Variants in SPTBN2 observed in about 807,000 individuals in gnomAD.
The protein encoded by SPTBN2 is spectrin beta, non-erythrocytic 2.
SPTBN2 carries 107 observed loss-of-function variants against 284.2 expected under a neutral mutation model. The observed-to-expected ratio is 0.38, with a 90% CI of 0.32 to 0.44. The LOEUF (loss-of-function observed/expected upper bound fraction) is 0.44. Among genes scored for constraint, SPTBN2 ranks in the 20% least tolerant of loss-of-function variants. The pLI, the probability that SPTBN2 is intolerant of heterozygous loss-of-function variation, is 1.00. For missense variants in SPTBN2, 2,569 were observed against 3,287.1 expected (o/e 0.78, Z 5.34); for synonymous variants, 1,289 against 1,354.8 (o/e 0.95, Z 1.07).
chr11:66,700,663 G>T lies in SPTBN2; in HGVS notation c.3436C>A (p.Arg1146=). 6.2e-7 allele frequency: 1 copy of T among 1,607,226 alleles called. No homozygotes were observed. Residue 1146 remains arginine (R), a synonymous_variant, in exon 17 of 38, where the codon CGA becomes AGA. Coordinates refer to ENST00000533211, the MANE Select transcript of SPTBN2 (RefSeq NM_006946.4). The surrounding 1 kb of genome is among the most constrained non-coding windows in gnomAD (Gnocchi z 6.6). ...ADPQCLFLRQ[R]LEALGTGWEE... ...CAGCCAGTTCCCAGGGCCTCCAGTC[G>T]CTGTCGTAGGAAGAGGCACTGGGGG...
rs776962262 is a variant in SPTBN2 at position 66,705,862 on chromosome 11, A to G, written c.1654-25T>C. On this transcript the variant is annotated intron_variant, in intron 13 of 37. Transcript: ENST00000533211. The stretch of plus-strand genomic sequence containing the variant: ...CCTGCCAGGCACACATGAAGTGCAC[A>G]TGCCCGCCTGAGCACAGACGCGCTA... 8 of 1,610,868 alleles carry G rather than the reference A, an allele frequency of 5.0e-6. No individual in the cohort carries two copies. The Admixed American group carries it at 5.0e-5, about 10-fold the overall frequency.
At chr11:66,688,350 G>C in intron 31 of SPTBN2, 39 bp from the exon 32 acceptor site, 1 of 1,553,116 alleles carries the variant, frequency 6.4e-7, no homozygotes, top group Non-Finnish European at 8.7e-7. Flanking sequence ...AGAAGGTTGC[G>C]TGTAAGAGGG....
rs1941189536 is a variant in SPTBN2 at position 66,700,703 on chromosome 11, G to A, written c.3396C>T (p.Thr1132=). 6.2e-7 allele frequency: 1 copy of A among 1,605,312 alleles called. No individual in the cohort carries two copies. The highest frequency in any genetic ancestry group is 8.5e-7 in the Non-Finnish European group (1 of 1,179,846). The stretch of plus-strand genomic sequence containing the variant: ...GGCACTGGGGGTCAGCCTGGTCCCG[G>A]GTCACCTCCTCGCCCAGGGCTCGCA... The part of the protein sequence containing the change: ...SRLRALGEEV[T]RDQADPQCLF... Residue 1132 remains threonine, a synonymous_variant, in exon 17 of 38, where the codon ACC becomes ACT. Coordinates refer to ENST00000533211, the MANE Select transcript of SPTBN2 (RefSeq NM_006946.4). This position sits in a 1 kb window ranked among gnomAD's most constrained non-coding sequence, Gnocchi z 6.6.
At chr11:66,714,008 T>A (rs1942015443) in intron 7 of SPTBN2, 83 bp downstream of exon 7, 1 of 1,394,300 alleles carries the variant, frequency 7.2e-7, no homozygotes, top group Non-Finnish European at 1.0e-6. Context: ...GTGCAGCTCA[T>A]CTCATCTCTG....
At chr11:66,703,936 A>G (rs1941382805) in intron 15 of SPTBN2, among the ~76,000 whole-genome samples, 1 of 149,854 alleles carries the variant, frequency 6.7e-6, no homozygotes, top group South Asian at 2.1e-4. Context: ...TGAAAATAAT[A>G]TATTGTAGGT....
Position 66,707,114 on chromosome 11 carries a change from G to T in SPTBN2, c.1653+402C>A. 6.6e-6 allele frequency among the ~76,000 whole-genome samples: 1 copy of T among 152,346 alleles called. No individual in the cohort carries two copies. Among genetic ancestry groups the T allele is most frequent in the Non-Finnish European group, 1.5e-5 (1 of 68,036 alleles). On this transcript the variant is annotated intron_variant, in intron 13 of 37. Transcript: ENST00000533211. This position sits in a 1 kb window ranked among gnomAD's most constrained non-coding sequence, Gnocchi z 4.9. Reference sequence around the variant, plus strand: ...TGAACACACCATGCTGATCCAGGCCGAGGGCCTGTGCCGGCTGTTCCTTCT... The same window carrying T: ...TGAACACACCATGCTGATCCAGGCCTAGGGCCTGTGCCGGCTGTTCCTTCT...
chr11:66,733,119 C>A (rs1431694943), upstream of SPTBN2, among the ~76,000 whole-genome samples: 1 of 151,988 alleles, frequency 6.6e-6, no homozygotes, highest in Non-Finnish European at 1.5e-5. Flanking sequence ...CTTTTTATGT[C>A]ATTATTTAAA....
At position 66,718,276 on chromosome 11, in the gene SPTBN2, C is replaced by T. The variant is rs546398570; in HGVS notation, c.158-2295G>A. Among the ~76,000 whole-genome samples the T allele has an allele frequency of 5.3e-5, 8 of 152,224 alleles. No homozygotes were observed. Among genetic ancestry groups the T allele is most frequent in the Admixed American group, 2.0e-4 (3 of 15,280 alleles). Reference sequence around the variant, plus strand: ...ATTCCGTTGACATCTGTGTATTTTCCGGCCTCTTGTAATTATCCCCTCTAA... The same window carrying T: ...ATTCCGTTGACATCTGTGTATTTTCTGGCCTCTTGTAATTATCCCCTCTAA... On this transcript the variant is annotated intron_variant, in intron 3 of 37. Transcript: ENST00000533211. The surrounding 1 kb of genome is among the most constrained non-coding windows in gnomAD (Gnocchi z 4.8).
At chr11:66,734,700 G>A (rs1285729386) in intron 1 of SPTBN2, among the ~76,000 whole-genome samples, 2 of 152,150 alleles carry the variant, frequency 1.3e-5, no homozygotes, top group South Asian at 2.1e-4. Context: ...CAGCATGAGC[G>A]CCATGAGGGA....
Position 66,701,737 on chromosome 11 carries a change from AG to A in SPTBN2, c.2679-17del, listed in dbSNP as rs774577870. On this transcript the variant is annotated splice_polypyrimidine_tract_variant and intron_variant, in intron 15 of 37. Transcript: ENST00000533211. ...GGTCTCGAACCTGAGAGGGTGGAAG[AG>A]CCAGGCGTGAATTGTGGGAGGCAGC... 13 of 1,614,092 alleles carry A rather than the reference AG, an allele frequency of 8.1e-6. No homozygotes were observed. In the South Asian group the frequency reaches 1.4e-4, roughly 18 times the overall value.
chr11:66,705,084 C>T lies in SPTBN2; in HGVS notation c.2192G>A (p.Arg731Gln), dbSNP rs764038568. The change falls in exon 15 of 38, where the codon CGG becomes CAG. Residue 731 changes from arginine (R) to glutamine (Q), a missense_variant. By Grantham distance (43) the Arg-to-Gln change is conservative. Transcript: ENST00000533211. ...ACGCTCCTCGGCCAGGGCCTCTAGC[C>T]GCTCCCACTGGGCTTGGAGTTCAGC... Reference protein sequence around the residue: ...RAAELQAQWERLEALAEERAQ... With the variant: ...RAAELQAQWEQLEALAEERAQ... 12 of 1,576,136 alleles carry T rather than the reference C, an allele frequency of 7.6e-6. No individual in the cohort carries two copies. The highest frequency in any genetic ancestry group is 1.7e-4 in the Middle Eastern group (1 of 6,014).
Position 66,687,263 on chromosome 11 carries a change from T to G in SPTBN2, c.6723-96A>C. On this transcript the variant is annotated intron_variant, in intron 35 of 37. Transcript: ENST00000533211. The surrounding 1 kb of genome is among the most constrained non-coding windows in gnomAD (Gnocchi z 5.2). ...AGGACTTCCAGTTCTGCTCCCATCT[T>G]TAGGCCACGGTCTTCACACCCTCTG... 6.3e-7 allele frequency: 1 copy of G among 1,578,058 alleles called. No homozygotes were observed. The highest frequency in any genetic ancestry group is 8.6e-7 in the Non-Finnish European group (1 of 1,164,852).
intron 8 of SPTBN2, 96 bp from the exon 9 acceptor site, chr11:66,711,125 C>A: frequency 1.1e-6 from 1 of 943,588 alleles, no homozygotes; most frequent in South Asian, 1.3e-5. Context: ...TCCTCCAAGG[C>A]TGACATCTCT....
chr11:66,740,111 A>G (rs889873155), intron 1 of SPTBN2, among the ~76,000 whole-genome samples: 26 of 152,304 alleles, frequency 1.7e-4, no homozygotes, highest in Admixed American at 7.2e-4. Flanking sequence ...AAAATTGGAC[A>G]ATAATAGGAA....
At chr11:66,734,049 TCTTA>T (rs1942835894), upstream of SPTBN2, among the ~76,000 whole-genome samples, 1 of 151,962 alleles carries the variant, frequency 6.6e-6, no homozygotes, top group African/African-American at 2.4e-5. Flanking sequence ...CCAATTGCTG[TCTTA>T]CTTCTCCTCT....
rs758830108 is a variant in SPTBN2, at chr11:66,690,334, G to T, written c.5566-51C>A. The T allele has an allele frequency of 2.6e-6, 4 of 1,515,582 alleles. No individual in the cohort carries two copies. In the South Asian group the frequency reaches 5.0e-5, roughly 19 times the overall value. 93.9% of individuals were successfully genotyped at this position (1,515,582 alleles called of 1,614,324 possible). A position where few individuals can be genotyped will look rare whatever the true frequency, so the allele number is the denominator to read the frequency against. On this transcript the variant is annotated intron_variant, in intron 27 of 37. Transcript: ENST00000533211. ...GCAGAGCGGGGGACTCCAAGGAGCC[G>T]CAGCCTGCCTCAGTCCTGGCTGCCA... is the stretch of plus-strand genomic sequence containing the variant.
At chr11:66,690,417 G>C in intron 27 of SPTBN2, 134 bp from the exon 28 acceptor site, 1 of 1,292,776 alleles carries the variant, frequency 7.7e-7, no homozygotes, top group East Asian at 2.5e-5. Flanking sequence ...CAGGGAGTGG[G>C]GGTGCTGGGA....
In SPTBN2 at chr11:66,707,645, G is replaced by A. The variant is rs774837229; in HGVS notation, c.1524C>T (p.Asn508=). 9.3e-6 allele frequency: 15 copies of A among 1,609,114 alleles called. No individual in the cohort carries two copies. The Admixed American group carries it at 1.5e-4, about 16-fold the overall frequency. Residue 508 remains asparagine, a synonymous_variant, in exon 13 of 38, where the codon AAC becomes AAT. Coordinates refer to ENST00000533211, the MANE Select transcript of SPTBN2 (RefSeq NM_006946.4). The surrounding 1 kb of genome is among the most constrained non-coding windows in gnomAD (Gnocchi z 4.9). ...GCAAGAAGTCCCAGAGCCGTGCCAC[G>A]TTGTGCTGCCGAGCGGCGATGCGCT... is the stretch of plus-strand genomic sequence containing the variant. The part of the protein sequence containing the change: ...DIKRIAARQH[N]VARLWDFLRQ...
rs1167256120 is a variant in SPTBN2 at position 66,693,201 on chromosome 11, G to T, written c.4839C>A (p.Gly1613=). Residue 1613 remains glycine, a synonymous_variant, in exon 24 of 38, where the codon GGC becomes GGA. Transcript: ENST00000533211. The surrounding 1 kb of genome is among the most constrained non-coding windows in gnomAD (Gnocchi z 5.7). ...WMGEQELHMM[G]QEKAKDELSA... ...TGGCCCTCACCTTGGCCTTCTCCTG[G>T]CCCATCATGTGTAATTCCTGCTCGC... is the stretch of plus-strand genomic sequence containing the variant. 12 of 1,614,088 alleles carry T rather than the reference G, an allele frequency of 7.4e-6. No individual in the cohort carries two copies. Among genetic ancestry groups the T allele is most frequent in the Non-Finnish European group, 1.0e-5 (12 of 1,180,048 alleles).
Sources: allele counts gnomAD v4.1 joint callset (sites outside exome capture counted in the v4.1 genomes callset), GRCh38; gene constraint gnomAD v4.1.1; non-coding constraint Gnocchi (gnomAD v3.1); transcripts MANE v1.5; gene names NCBI Gene and HGNC (gene_info 2026-07-23, HGNC 2026-07-21).